Variants in BBX observed in about 807,000 individuals in gnomAD.
BBX encodes the protein HMG box transcription factor BBX.
Under a neutral mutation model 100.2 loss-of-function variants are expected in BBX, and 30 were observed. The observed-to-expected ratio is 0.30, with a 90% confidence interval of 0.22 to 0.41. The LOEUF (loss-of-function observed/expected upper bound fraction) is 0.41. BBX is among the 10% of genes least tolerant of loss of function. The pLI is 1.00. For missense variants in BBX, 1,023 were observed against 1,129.8 expected, an observed-to-expected ratio of 0.91 and a Z score of 1.35; for synonymous variants, 376 against 388.1, an observed-to-expected ratio of 0.97 and a Z score of 0.37.
intron 3 of BBX, among the ~76,000 whole-genome samples, chr3:107,683,187 A>T (rs891084155): frequency 1.3e-5 from 2 of 152,118 alleles, no homozygotes; most frequent in Non-Finnish European, 2.9e-5. Context: ...AATGCATTTA[A>T]TGGAAAATAT....
At chr3:107,529,803 G>A (rs1019435772) in intron 2 of BBX, among the ~76,000 whole-genome samples, 7 of 151,618 alleles carry the variant, frequency 4.6e-5, no homozygotes, top group Admixed American at 1.3e-4. Flanking sequence ...AAATCCTCAT[G>A]TATTAATGGG....
intron 13 of BBX, among the ~76,000 whole-genome samples, 200 bp downstream of exon 13, chr3:107,778,719 A>AAATAT (rs2067535261): frequency 1.3e-5 from 2 of 151,726 alleles, no homozygotes; most frequent in Non-Finnish European, 2.9e-5. Flanking sequence ...TTGGCATCTC[A>AAATAT]GTCTGTATAT....
intron 9 of BBX, among the ~76,000 whole-genome samples, chr3:107,754,123 C>T (rs990855609): frequency 3.3e-5 from 5 of 152,160 alleles, no homozygotes; most frequent in Non-Finnish European, 1.5e-5. Flanking sequence ...GTCCACACAG[C>T]AGCAAGTAAT....
intron 2 of BBX, among the ~76,000 whole-genome samples, chr3:107,572,696 A>C (rs938612747): frequency 1.3e-5 from 2 of 152,204 alleles, no homozygotes; most frequent in South Asian, 4.1e-4. Flanking sequence ...TAAAAATTAT[A>C]TATCTTAAAA....
At chr3:107,625,993 A>T (rs958374027) in intron 2 of BBX, among the ~76,000 whole-genome samples, 10 of 152,144 alleles carry the variant, frequency 6.6e-5, no homozygotes, top group African/African-American at 2.4e-4. Context: ...ACAAGTTATG[A>T]AAAAAGGGGA....
intron 13 of BBX, among the ~76,000 whole-genome samples, chr3:107,779,919 G>A (rs187710850): frequency 6.6e-6 from 1 of 152,160 alleles, no homozygotes. Flanking sequence ...CGTCATTTTA[G>A]AATTAGCTCA....
intron 2 of BBX, among the ~76,000 whole-genome samples, chr3:107,632,821 A>G (rs776852893): frequency 2.0e-4 from 31 of 152,240 alleles, no homozygotes; most frequent in Non-Finnish European, 1.0e-4. Flanking sequence ...ATAATGAAAT[A>G]AAAATGTGAA....
chr3:107,655,511 ATTTTT>A (rs35368803), intron 3 of BBX, among the ~76,000 whole-genome samples: 1 of 117,598 alleles, frequency 8.5e-6, no homozygotes, highest in Admixed American at 9.3e-5. Context: ...ATGATAATTA[ATTTTT>A]TTTTTTTTTT....
chr3:107,624,914 C>T (rs1468137815), intron 2 of BBX, among the ~76,000 whole-genome samples: 1 of 152,142 alleles, frequency 6.6e-6, no homozygotes, highest in African/African-American at 2.4e-5. Flanking sequence ...GAATAACATT[C>T]ATAGTTTGCT....
intron 3 of BBX, among the ~76,000 whole-genome samples, chr3:107,673,531 T>C (rs1423077135): frequency 3.3e-5 from 5 of 152,244 alleles, no homozygotes; most frequent in African/African-American, 1.2e-4. Context: ...AACAGTTGTA[T>C]AATTCCCCAG....
At chr3:107,752,731 A>G (rs985343464) in intron 9 of BBX, among the ~76,000 whole-genome samples, 4 of 152,222 alleles carry the variant, frequency 2.6e-5, no homozygotes, top group African/African-American at 9.6e-5. Flanking sequence ...GAGAGACTAC[A>G]GTGGAATTAA....
At chr3:107,785,638 A>G (rs1057366148) in intron 13 of BBX, among the ~76,000 whole-genome samples, 1 of 152,040 alleles carries the variant, frequency 6.6e-6, no homozygotes, top group African/African-American at 2.4e-5. Context: ...GCCCTTTAAA[A>G]AAAAAATTAC....
chr3:107,536,179 C>G (rs945644730), intron 2 of BBX, among the ~76,000 whole-genome samples: 1 of 152,162 alleles, frequency 6.6e-6, no homozygotes, highest in Non-Finnish European at 1.5e-5. Flanking sequence ...TTCTGCTGTG[C>G]TAAGTGGAAG....
At position 107,643,175 on chromosome 3, in the gene BBX, A is replaced by G. The variant is rs1037809517; in HGVS notation, c.-83-2661A>G. ...GAGGTGGCACCTCACCTTTTTTAGTATAAAAAGCTTTTTAAAACAGCACCT... is the reference window on the plus strand; with the variant it reads ...GAGGTGGCACCTCACCTTTTTTAGTGTAAAAAGCTTTTTAAAACAGCACCT... On this transcript the variant is annotated intron_variant, in intron 2 of 17. Transcript: ENST00000325805. Among the ~76,000 whole-genome samples the G allele has an allele frequency of 5.3e-5, 8 of 152,182 alleles. No homozygotes were observed. The South Asian group carries it at 1.5e-3, about 28-fold the overall frequency.
chr3:107,544,158 C>A (rs959577404), intron 2 of BBX, among the ~76,000 whole-genome samples: 15 of 152,222 alleles, frequency 9.9e-5, no homozygotes, highest in Non-Finnish European at 5.9e-5. Context: ...AAATGACCAT[C>A]ATTCAGCCCT....
rs528630792 is a variant in BBX at position 107,723,971 on chromosome 3, T to A, written c.406-4794T>A. Among the ~76,000 whole-genome samples, 20 of 152,288 alleles carry A rather than the reference T, an allele frequency of 1.3e-4. No individual in the cohort carries two copies. In the South Asian group the frequency reaches 3.7e-3, roughly 28 times the overall value. The stretch of plus-strand genomic sequence containing the variant: ...AAATGGTATTTCCAGTTCTAGATCC[T>A]TGAGGAATCGCCACACTGTCTTCCA... On this transcript the variant is annotated intron_variant, in intron 5 of 17. Transcript: ENST00000325805.
rs1467650020 is a variant in BBX at position 107,710,437 on chromosome 3, CTCTT to C, written c.-9-14_-9-11del. On this transcript the variant is annotated splice_polypyrimidine_tract_variant and intron_variant, in intron 3 of 17. Transcript: ENST00000325805. ...TCCCTGTTTCCCTGTTTCTCTCTCT[CTCTT>C]CCTATTACAGGTCACAGTAATGAAA... is the stretch of plus-strand genomic sequence containing the variant. The C allele has an allele frequency of 3.2e-6, 5 of 1,579,066 alleles. No homozygotes were observed. The highest frequency in any genetic ancestry group is 1.4e-5 in the African/African-American group (1 of 73,440).
At chr3:107,648,872 A>G (rs676556) in intron 3 of BBX, among the ~76,000 whole-genome samples, 37,009 of 152,174 alleles carry the variant, frequency 0.24, 5,777 homozygotes, top group East Asian at 0.88. Flanking sequence ...TATATAAACA[A>G]TGCTTTGTGA....
intron 3 of BBX, among the ~76,000 whole-genome samples, chr3:107,678,558 T>C (rs187985241): frequency 4.7e-4 from 72 of 152,128 alleles, no homozygotes; most frequent in African/African-American, 1.5e-3. Context: ...ACCTCGCTTC[T>C]GCAAAAATTT....
Sources: gnomAD v4.1 joint callset for allele counts (sites outside exome capture counted in the v4.1 genomes callset) on GRCh38, gnomAD v4.1.1 for gene constraint, MANE v1.5 for transcripts, NCBI Gene and HGNC (gene_info 2026-07-23, HGNC 2026-07-21) for gene names.